The following VNN2 variants were observed in gnomAD, a reference collection of about 807,000 sequenced individuals.
VNN2 encodes pantetheine hydrolase VNN2.
VNN2 carries 43 observed loss-of-function variants against 43.0 expected under a neutral mutation model. The ratio of observed to expected loss-of-function variants is 1.00; its 90% CI spans 0.78 to 1.29. The LOEUF (loss-of-function observed/expected upper bound fraction) is 1.29. Among genes scored for constraint, VNN2 ranks in the 50% most tolerant of loss-of-function variants. The pLI, the probability that VNN2 is intolerant of heterozygous loss-of-function variation, is 0.00. For missense variants in VNN2, 652 were observed against 619.7 expected, an observed-to-expected ratio of 1.05 and a Z score of -0.55; for synonymous variants, 230 against 224.3, an observed-to-expected ratio of 1.03 and a Z score of -0.23.
chr6:132,745,145 G>A (rs900534864), intron 6 of VNN2, among the ~76,000 whole-genome samples: 2 of 152,114 alleles, frequency 1.3e-5, no homozygotes, highest in Non-Finnish European at 2.9e-5. Flanking sequence ...AGCTAGTGGT[G>A]CACAGGCTCA....
intron 6 of VNN2, among the ~76,000 whole-genome samples, chr6:132,748,841 G>A (rs143928893): frequency 1.3e-5 from 2 of 152,166 alleles, no homozygotes; most frequent in African/African-American, 4.8e-5. Flanking sequence ...TGAGGCAGGA[G>A]GATTGCTTGA....
chr6:132,760,647 A>G (rs1261914676), upstream of VNN2: 1 of 151,946 alleles, frequency 6.6e-6, no homozygotes, highest in Non-Finnish European at 1.5e-5. Context: ...TTGATCTAGT[A>G]TCACCAATTA....
intron 2 of VNN2, 23 bp downstream of exon 2, chr6:132,757,393 A>C (rs1351939422): frequency 6.4e-7 from 1 of 1,569,514 alleles, no homozygotes; most frequent in East Asian, 2.3e-5. Context: ...CTTTTGCACA[A>C]AAGACTAAGA....
intron 3 of VNN2, chr6:132,753,830 G>C (rs35971471): frequency 6.1e-6 from 1 of 162,940 alleles, no homozygotes; most frequent in Non-Finnish European, 1.3e-5. Flanking sequence ...GTATGCACCT[G>C]TAATCCCAGC....
intron 3 of VNN2, among the ~76,000 whole-genome samples, chr6:132,755,630 C>T (rs35708929): frequency 0.023 from 3,504 of 152,244 alleles, 115 homozygotes; most frequent in African/African-American, 0.077. Context: ...CTGCCTCAGC[C>T]TCCCAAAGTG....
upstream of VNN2, among the ~76,000 whole-genome samples, chr6:132,759,688 T>C (rs1421449921): frequency 6.6e-6 from 1 of 152,178 alleles, no homozygotes; most frequent in East Asian, 1.9e-4. Context: ...TTGTTAAGAA[T>C]GGGGCCTAGG....
rs188787110 is a variant in VNN2, at chr6:132,748,658, C to T, written c.1371+1037G>A. 2.1e-4 allele frequency among the ~76,000 whole-genome samples: 32 copies of T among 152,246 alleles called. No homozygotes were observed. The East Asian group carries it at 4.2e-3, about 20-fold the overall frequency. Reference sequence around the variant, plus strand: ...AACCACTGGAATATGTGTATGTATGCGTGTATGTGCATGTGTGCAAGTGTT... The same window carrying T: ...AACCACTGGAATATGTGTATGTATGTGTGTATGTGCATGTGTGCAAGTGTT... On this transcript the variant is annotated intron_variant, in intron 6 of 6. Transcript: ENST00000326499.
Position 132,751,433 on chromosome 6 carries a change from C to T in VNN2, c.912G>A (p.Val304=). ...CAAGCGAGGATAGGGGATGTGAATC[C>T]ACCTCTGAAAGGAGAAGTTTTCCCA... ...TELGKLLLSE[V]DSHPLSSLAY... The change falls in exon 5 of 7, where the codon GTG becomes GTA. Residue 304 remains valine, a synonymous_variant. Transcript: ENST00000326499. 1 of 1,614,134 alleles carries T rather than the reference C, an allele frequency of 6.2e-7. No individual in the cohort carries two copies. The highest frequency in any genetic ancestry group is 8.5e-7 in the Non-Finnish European group (1 of 1,180,018).
intron 4 of VNN2, 109 bp from the exon 5 acceptor site, chr6:132,751,627 C>T (rs749324289): frequency 2.3e-5 from 31 of 1,328,976 alleles, no homozygotes; most frequent in Middle Eastern, 2.1e-4. Flanking sequence ...ATATTAGTCA[C>T]GATGAGAGAG....
At chr6:132,754,911 T>C (rs1287849004) in intron 3 of VNN2, among the ~76,000 whole-genome samples, 3 of 152,258 alleles carry the variant, frequency 2.0e-5, no homozygotes, top group Non-Finnish European at 4.4e-5. Context: ...CAGTGGCTCA[T>C]GCCTCTAATC....
chr6:132,760,114 G>A (rs1419501285), upstream of VNN2, among the ~76,000 whole-genome samples: 1 of 152,092 alleles, frequency 6.6e-6, no homozygotes, highest in Non-Finnish European at 1.5e-5. Context: ...ATGTGTCTGT[G>A]CTCTCTTTTA....
In VNN2 at chr6:132,751,352, T is replaced by C. The variant is rs1434112907; in HGVS notation, c.993A>G (p.Pro331=). Reference sequence around the variant, plus strand: ...ATCCCCTGAAAGTGTTTTTCTGTACTGGAAATGGTTTGATGGTGGTGGCGT... The same window carrying C: ...ATCCCCTGAAAGTGTTTTTCTGTACCGGAAATGGTTTGATGGTGGTGGCGT... ...NAYATTIKPF[P]VQKNTFRGFI... is the part of the protein sequence containing the mutation. Residue 331 remains proline (P), a synonymous_variant, in exon 5 of 7, where the codon CCA becomes CCG. Coordinates refer to ENST00000326499, the MANE Select transcript of VNN2 (RefSeq NM_004665.6). 3.7e-6 allele frequency: 6 copies of C among 1,614,074 alleles called. No individual in the cohort carries two copies. In the Admixed American group the frequency reaches 1.0e-4, roughly 27 times the overall value.
intron 6 of VNN2, 40 bp from the exon 7 acceptor site, chr6:132,744,531 C>T (rs1169094409): frequency 2.0e-6 from 3 of 1,528,052 alleles, no homozygotes; most frequent in African/African-American, 1.4e-5. Flanking sequence ...GCTTTCTTAA[C>T]ATAGAAGTTA....
chr6:132,752,286 G>T (rs35229014), intron 4 of VNN2, among the ~76,000 whole-genome samples, 175 bp downstream of exon 4: 4 of 151,896 alleles, frequency 2.6e-5, no homozygotes, highest in Middle Eastern at 3.2e-3. Context: ...ACACATAAAG[G>T]TCTTAGTATA....
chr6:132,762,208 C>T (rs944885425), upstream of VNN2, among the ~76,000 whole-genome samples: 1 of 152,138 alleles, frequency 6.6e-6, no homozygotes, highest in African/African-American at 2.4e-5. Flanking sequence ...AGGAACTCAA[C>T]CCCAGGAAGG....
Position 132,749,807 on chromosome 6 carries a change from T to G in VNN2, c.1259A>C (p.Glu420Ala). Reference sequence around the variant, plus strand: ...CATTTCAAATCTTGTAGAAGCAGTTTCTACTGGCCGTCCACAAGTTGTCAA... The same window carrying G: ...CATTTCAAATCTTGTAGAAGCAGTTGCTACTGGCCGTCCACAAGTTGTCAA... ...TNLTTCGRPV[E>A]TASTRFEMFS... is the part of the protein sequence containing the mutation. Residue 420 changes from glutamate (E) to alanine (A), a missense_variant, in exon 6 of 7, where the codon GAA (glutamate) becomes GCA (alanine). Physicochemically the swap from Glu to Ala is moderately radical, Grantham distance 107. Coordinates refer to ENST00000326499, the MANE Select transcript of VNN2 (RefSeq NM_004665.6). 2 of 1,614,138 alleles carry G rather than the reference T, an allele frequency of 1.2e-6. No homozygotes were observed. The highest frequency in any genetic ancestry group is 8.5e-7 in the Non-Finnish European group (1 of 1,179,990).
Position 132,744,102 on chromosome 6 carries a change from G to T in VNN2, c.*198C>A. 1 of 446,738 alleles carries T rather than the reference G, an allele frequency of 2.2e-6. No individual in the cohort carries two copies. Among genetic ancestry groups the T allele is most frequent in the Non-Finnish European group, 3.8e-6 (1 of 261,032 alleles). 27.7% of individuals were successfully genotyped at this position (446,738 alleles called of 1,614,324 possible). ...CAGGCTCTTTCCATTGTTCCACACT[G>T]CAACATTTCAGAGTAGCCAAAAAAA... On this transcript the variant is annotated 3_prime_UTR_variant, in exon 7 of 7. Transcript: ENST00000326499.
intron 6 of VNN2, among the ~76,000 whole-genome samples, chr6:132,748,912 C>T (rs1334663970): frequency 6.6e-6 from 1 of 152,048 alleles, no homozygotes; most frequent in Non-Finnish European, 1.5e-5. Flanking sequence ...ACCTGGGTGA[C>T]AGAGCAAGAC....
At chr6:132,753,553 A>G in intron 3 of VNN2, 1 of 438,666 alleles carries the variant, frequency 2.3e-6, no homozygotes, top group Non-Finnish European at 4.5e-6. Context: ...AACTAAAAAA[A>G]AACTTAGTCT....
Sources: gnomAD v4.1 joint callset for allele counts (sites outside exome capture counted in the v4.1 genomes callset) on GRCh38, gnomAD v4.1.1 for gene constraint, MANE v1.5 for transcripts, NCBI Gene and HGNC (gene_info 2026-07-23, HGNC 2026-07-21) for gene names.